Variants in PDE4D observed in about 807,000 individuals in gnomAD.
PDE4D encodes the protein phosphodiesterase 4D, also known as 3',5'-cyclic-AMP phosphodiesterase 4D.
A neutral mutation model predicts 87.4 loss-of-function variants in PDE4D; 24 were observed. The observed-to-expected ratio is 0.27, with a 90% CI of 0.20 to 0.39. The LOEUF is 0.39. PDE4D is among the 10% of genes least tolerant of loss of function. PDE4D has a pLI of 1.00. For missense variants in PDE4D, 714 were observed against 1,041.0 expected (o/e 0.69, Z 4.32); for synonymous variants, 384 against 383.2 (o/e 1.00, Z -0.02).
intron 1 of PDE4D, among the ~76,000 whole-genome samples, chr5:59,580,876 TA>T (rs1454777372): frequency 8.5e-5 from 13 of 152,272 alleles, no homozygotes; most frequent in Admixed American, 2.6e-4. Flanking sequence ...TTTTTTAAAT[TA>T]TTTTTTTTTA....
intron 1 of PDE4D, among the ~76,000 whole-genome samples, chr5:59,670,533 A>G (rs2150326578): frequency 6.6e-6 from 1 of 152,284 alleles, no homozygotes; most frequent in Middle Eastern, 3.4e-3. Context: ...GGTATATACG[A>G]AACATAAATA....
At chr5:59,431,279 G>A (rs1441571348) in intron 1 of PDE4D, among the ~76,000 whole-genome samples, 1 of 152,106 alleles carries the variant, frequency 6.6e-6, no homozygotes, top group Non-Finnish European at 1.5e-5. Flanking sequence ...ACTGAAGGCA[G>A]CAGGGTCTTA....
intron 1 of PDE4D, among the ~76,000 whole-genome samples, chr5:59,244,120 G>A (rs374716553): frequency 6.6e-6 from 1 of 151,970 alleles, no homozygotes; most frequent in African/African-American, 2.4e-5. Context: ...AGCGAAGAAT[G>A]CAGAATAAAA....
Position 60,207,870 on chromosome 5 carries a change from G to A in PDE4D, c.-89-22183C>T, listed in dbSNP as rs566412512. 8.5e-5 allele frequency among the ~76,000 whole-genome samples: 13 copies of A among 152,276 alleles called. 1 individual carries two copies. The South Asian group carries it at 2.5e-3, about 29-fold the overall frequency. On this transcript the variant is annotated intron_variant, in intron 1 of 16. Transcript: ENST00000502484. The stretch of plus-strand genomic sequence containing the variant: ...CCTAGGACTCTTACTCATTCCAAAT[G>A]ACTTCATTAATAAGTCAGTATACTG...
intron 2 of PDE4D, 62 bp downstream of exon 2, chr5:59,215,715 G>T: frequency 1.5e-6 from 2 of 1,369,440 alleles, no homozygotes; most frequent in Non-Finnish European, 2.1e-6. Flanking sequence ...GTTTTATTAT[G>T]TCATCAGCTC....
chr5:60,211,742 G>A (rs1743253390), intron 1 of PDE4D, among the ~76,000 whole-genome samples: 1 of 152,014 alleles, frequency 6.6e-6, no homozygotes, highest in Non-Finnish European at 1.5e-5. Flanking sequence ...GTGAAACTGT[G>A]TGTGCTTCCC....
At chr5:59,760,076 T>G (rs1761786284) in intron 1 of PDE4D, among the ~76,000 whole-genome samples, 1 of 152,210 alleles carries the variant, frequency 6.6e-6, no homozygotes, top group Non-Finnish European at 1.5e-5. Flanking sequence ...ATTTCTCTTT[T>G]ATAGGTGACA....
intron 3 of PDE4D, among the ~76,000 whole-genome samples, chr5:59,186,983 T>C (rs1180726065): frequency 7.2e-5 from 11 of 152,368 alleles, no homozygotes. Flanking sequence ...TCAAACATAC[T>C]AATGGAAACT....
intron 1 of PDE4D, among the ~76,000 whole-genome samples, chr5:60,520,770 C>G: frequency 6.6e-6 from 1 of 152,204 alleles, no homozygotes; most frequent in East Asian, 1.9e-4. Flanking sequence ...CAGGAGGCCC[C>G]CTTGGAGATT....
At chr5:59,782,044 G>T in intron 1 of PDE4D, among the ~76,000 whole-genome samples, 1 of 152,108 alleles carries the variant, frequency 6.6e-6, no homozygotes, top group Middle Eastern at 3.4e-3. Context: ...TTGAGTATGT[G>T]TTATGTTTTT....
At chr5:59,027,536 T>A (rs1283647797) in intron 6 of PDE4D, among the ~76,000 whole-genome samples, 1 of 152,238 alleles carries the variant, frequency 6.6e-6, no homozygotes, top group Non-Finnish European at 1.5e-5. Flanking sequence ...ATTTATTTAA[T>A]AAATTGTATC....
At chr5:59,051,178 C>T (rs562178362) in intron 5 of PDE4D, among the ~76,000 whole-genome samples, 65 of 152,296 alleles carry the variant, frequency 4.3e-4, no homozygotes, top group Middle Eastern at 3.4e-3. Context: ...TCAAGACCAG[C>T]CTAGACAACA....
At chr5:59,894,210 C>G (rs1008041818), upstream of PDE4D, among the ~76,000 whole-genome samples, 1 of 152,142 alleles carries the variant, frequency 6.6e-6, no homozygotes, top group Non-Finnish European at 1.5e-5. Flanking sequence ...CCACACTGCT[C>G]CCCACTGCCC....
At chr5:60,439,322 T>C (rs537848955) in intron 1 of PDE4D, among the ~76,000 whole-genome samples, 2 of 152,026 alleles carry the variant, frequency 1.3e-5, no homozygotes, top group Non-Finnish European at 2.9e-5. Flanking sequence ...CTTCATTCCA[T>C]CCTTAATAAT....
intron 5 of PDE4D, among the ~76,000 whole-genome samples, chr5:59,146,940 G>A (rs1778754229): frequency 6.6e-6 from 1 of 152,148 alleles, no homozygotes; most frequent in Non-Finnish European, 1.5e-5. Context: ...GAACCTGGTG[G>A]CACAGCAGGA....
intron 1 of PDE4D, among the ~76,000 whole-genome samples, chr5:59,677,214 G>A (rs905929754): frequency 1.3e-5 from 2 of 151,880 alleles, no homozygotes; most frequent in African/African-American, 4.8e-5. Flanking sequence ...TAAGACATAT[G>A]TACAGAAAGG....
At chr5:59,804,332 T>C (rs1437169661) in intron 1 of PDE4D, among the ~76,000 whole-genome samples, 1 of 152,270 alleles carries the variant, frequency 6.6e-6, no homozygotes, top group Non-Finnish European at 1.5e-5. Flanking sequence ...TCCAGCCAAG[T>C]TGCTGCCAGA....
chr5:59,421,681 CA>C (rs1225072270), intron 1 of PDE4D, among the ~76,000 whole-genome samples: 4 of 151,918 alleles, frequency 2.6e-5, no homozygotes, highest in Non-Finnish European at 5.9e-5. Context: ...AAATAATTTC[CA>C]AGCAGTTAGT....
intron 5 of PDE4D, among the ~76,000 whole-genome samples, chr5:59,124,829 G>C (rs1288941795): frequency 1.3e-5 from 2 of 152,136 alleles, no homozygotes; most frequent in Non-Finnish European, 2.9e-5. Context: ...GGCTGGCAGT[G>C]ATGGTGGGGA....
Sources: gnomAD v4.1 joint callset for allele counts (sites outside exome capture counted in the v4.1 genomes callset) on GRCh38, gnomAD v4.1.1 for gene constraint, MANE v1.5 for transcripts, NCBI Gene and HGNC (gene_info 2026-07-23, HGNC 2026-07-21) for gene names.